The following MAP2 variants were observed in gnomAD, a reference collection of about 807,000 sequenced individuals.
MAP2 encodes microtubule associated protein 2, also known as microtubule-associated protein 2.
Under a neutral mutation model 137.6 loss-of-function variants are expected in MAP2, and 14 were observed. That is an observed-to-expected ratio of 0.10 (90% CI 0.07 to 0.16). The LOEUF (loss-of-function observed/expected upper bound fraction) is 0.16. Ranked by LOEUF, MAP2 falls within the 10% of genes least tolerant of loss-of-function variation. The pLI is 1.00. For synonymous variants in MAP2, 786 were observed against 782.3 expected (o/e 1.00, Z -0.08); for missense variants, 2,088 against 2,191.5 (o/e 0.95, Z 0.94).
chr2:209,433,201 G>C (rs1173722284), intron 1 of MAP2, among the ~76,000 whole-genome samples: 7 of 152,036 alleles, frequency 4.6e-5, no homozygotes, highest in Non-Finnish European at 1.5e-5. Context: ...AATAATAAAT[G>C]AACATTTCAG....
intron 1 of MAP2, among the ~76,000 whole-genome samples, chr2:209,424,533 G>C (rs113979388): frequency 0.011 from 1,686 of 152,360 alleles, 30 homozygotes; most frequent in African/African-American, 0.038. Flanking sequence ...GAGCGAGTGA[G>C]CTTGTTAGGT....
chr2:209,555,244 T>C (rs2070281703), intron 2 of MAP2, among the ~76,000 whole-genome samples: 2 of 152,166 alleles, frequency 1.3e-5, no homozygotes, highest in African/African-American at 2.4e-5. Context: ...ACTATGGAGG[T>C]TTATTTGGTA....
intron 5 of MAP2, among the ~76,000 whole-genome samples, chr2:209,657,451 CT>C (rs1290424409): frequency 6.6e-6 from 1 of 152,140 alleles, no homozygotes; most frequent in Non-Finnish European, 1.5e-5. Context: ...TGTCTTTTGA[CT>C]TTTTAATAAT....
intron 1 of MAP2, among the ~76,000 whole-genome samples, chr2:209,457,402 C>G (rs1359953866): frequency 1.3e-5 from 2 of 152,188 alleles, no homozygotes; most frequent in African/African-American, 4.8e-5. Context: ...CATACATGCA[C>G]AAGTGCATCC....
At chr2:209,579,012 T>C (rs2075806331) in intron 2 of MAP2, among the ~76,000 whole-genome samples, 2 of 152,046 alleles carry the variant, frequency 1.3e-5, no homozygotes, top group African/African-American at 2.4e-5. Context: ...GAATTTTCTG[T>C]AGGAAAATAT....
intron 2 of MAP2, among the ~76,000 whole-genome samples, chr2:209,576,145 G>A (rs558699935): frequency 8.5e-5 from 13 of 152,262 alleles, no homozygotes; most frequent in Admixed American, 7.2e-4. Context: ...TTAAAGATCA[G>A]GCATCTACAA....
chr2:209,728,083 A>G (rs980630590), intron 14 of MAP2, among the ~76,000 whole-genome samples: 1 of 152,150 alleles, frequency 6.6e-6, no homozygotes, highest in Non-Finnish European at 1.5e-5. Flanking sequence ...GCAGTGAGCT[A>G]TGATCATGTC....
At chr2:209,512,862 C>T (rs1373815237) in intron 2 of MAP2, among the ~76,000 whole-genome samples, 1 of 152,060 alleles carries the variant, frequency 6.6e-6, no homozygotes, top group Non-Finnish European at 1.5e-5. Context: ...GTTGCCCAGG[C>T]TGGTCTTGAT....
chr2:209,431,322 A>C (rs1274851575), intron 1 of MAP2, among the ~76,000 whole-genome samples: 1 of 152,190 alleles, frequency 6.6e-6, no homozygotes, highest in East Asian at 1.9e-4. Context: ...AGCCCTGTTA[A>C]TTACTGGATT....
chr2:209,691,414 C>T (rs1416974950), intron 7 of MAP2, among the ~76,000 whole-genome samples: 2 of 152,170 alleles, frequency 1.3e-5, no homozygotes, highest in Admixed American at 6.5e-5. Flanking sequence ...TGATCATCCC[C>T]ATATCTCTTG....
chr2:209,469,794 T>G (rs1294356937), intron 1 of MAP2, among the ~76,000 whole-genome samples: 2 of 152,216 alleles, frequency 1.3e-5, no homozygotes, highest in African/African-American at 2.4e-5. Flanking sequence ...AAAAATAATT[T>G]GTCTTTCAGC....
At chr2:209,556,714 A>G (rs1305577736) in intron 2 of MAP2, among the ~76,000 whole-genome samples, 1 of 151,912 alleles carries the variant, frequency 6.6e-6, no homozygotes, top group African/African-American at 2.4e-5. Context: ...ACCAAAATGG[A>G]AGGAAATATC....
At chr2:209,720,963 A>G (rs999409093) in intron 13 of MAP2, among the ~76,000 whole-genome samples, 1 of 151,154 alleles carries the variant, frequency 6.6e-6, no homozygotes, top group African/African-American at 2.4e-5. Context: ...TTTTAAACTG[A>G]TCTGGAATAT....
intron 2 of MAP2, among the ~76,000 whole-genome samples, chr2:209,566,290 G>A (rs1286105515): frequency 6.6e-6 from 1 of 152,176 alleles, no homozygotes; most frequent in African/African-American, 2.4e-5. Flanking sequence ...ATTGCAGGTG[G>A]CTGGTGAATA....
At chr2:209,503,776 C>T (rs184072542) in intron 1 of MAP2, among the ~76,000 whole-genome samples, 8 of 152,126 alleles carry the variant, frequency 5.3e-5, no homozygotes, top group East Asian at 1.9e-4. Flanking sequence ...GGAAAAAATA[C>T]GACAGTAAGC....
chr2:209,487,868 T>TA lies in MAP2; in HGVS notation c.-221-19720dup, dbSNP rs147296929. Among the ~76,000 whole-genome samples, 144 of 152,226 alleles carry TA rather than the reference T, an allele frequency of 9.5e-4. 3 individuals are homozygous for TA. In the East Asian group the frequency reaches 0.014, roughly 15 times the overall value. On this transcript the variant is annotated intron_variant, in intron 1 of 15. Transcript: ENST00000682079. ...AAACTATTTATATACCTAACATAGA[T>TA]AAAATAAAAATTAAAAAGAAGGAAA...
chr2:209,607,308 A>G (rs1013529595), intron 3 of MAP2, among the ~76,000 whole-genome samples: 1 of 152,244 alleles, frequency 6.6e-6, no homozygotes, highest in African/African-American at 2.4e-5. Flanking sequence ...CTGCAGACCA[A>G]GATGAATTAG....
chr2:209,523,824 T>G (rs1251553405), intron 2 of MAP2, among the ~76,000 whole-genome samples: 1 of 152,168 alleles, frequency 6.6e-6, no homozygotes, highest in Non-Finnish European at 1.5e-5. Flanking sequence ...TGTTTATAAT[T>G]TAAACATAAC....
intron 6 of MAP2, 56 bp downstream of exon 6, chr2:209,678,741 A>G (rs572823061): frequency 2.0e-6 from 2 of 1,018,456 alleles, no homozygotes; most frequent in Admixed American, 2.5e-5. Context: ...TGATCACAGG[A>G]TAAAGTCTTC....
Sources: gnomAD v4.1 joint callset for allele counts (sites outside exome capture counted in the v4.1 genomes callset) on GRCh38, gnomAD v4.1.1 for gene constraint, MANE v1.5 for transcripts, NCBI Gene and HGNC (gene_info 2026-07-23, HGNC 2026-07-21) for gene names.